The following ATOSA variants were observed in gnomAD, a reference collection of about 807,000 sequenced individuals.
ATOSA encodes the protein atos homolog protein A.
At chr15:52,658,981 T>C in the ATOSA span, among the ~76,000 whole-genome samples, 1 of 151,888 alleles carries the variant, frequency 6.6e-6, no homozygotes, top group East Asian at 1.9e-4. Flanking sequence ...CAAGAACCTG[T>C]CTCAAAAAAC....
At chr15:52,583,728 T>A in the ATOSA span, among the ~76,000 whole-genome samples, 1 of 152,210 alleles carries the variant, frequency 6.6e-6, no homozygotes, top group African/African-American at 2.4e-5. Context: ...CTGTTTTTCA[T>A]AGATTTTTCA....
At chr15:52,647,957 A>G in the ATOSA span, among the ~76,000 whole-genome samples, 11 of 152,194 alleles carry the variant, frequency 7.2e-5, no homozygotes, top group South Asian at 1.0e-3. Flanking sequence ...CCCAATCCCC[A>G]TATCTCCATG....
chr15:52,643,014 T>TC, the ATOSA span, among the ~76,000 whole-genome samples: 1 of 151,916 alleles, frequency 6.6e-6, no homozygotes, highest in African/African-American at 2.4e-5. Context: ...CCTTTTATGC[T>TC]CCCATCACAC....
the ATOSA span, among the ~76,000 whole-genome samples, chr15:52,636,769 C>CA: frequency 6.6e-6 from 1 of 152,184 alleles, no homozygotes; most frequent in Admixed American, 6.5e-5. Flanking sequence ...TCCTGAAACT[C>CA]AGGGGAAGTG....
chr15:52,611,648 C>T, the ATOSA span: 1 of 1,614,016 alleles, frequency 6.2e-7, no homozygotes. Context: ...TCATTTAGAT[C>T]AATTCCCTCT....
At chr15:52,591,164 T>C in the ATOSA span, among the ~76,000 whole-genome samples, 881 of 152,302 alleles carry the variant, frequency 5.8e-3, 5 homozygotes, top group Non-Finnish European at 8.9e-3. Context: ...GTTTACTCTT[T>C]TATCTTGTTT....
chr15:52,634,884 G>C, the ATOSA span, among the ~76,000 whole-genome samples: 1 of 152,086 alleles, frequency 6.6e-6, no homozygotes, highest in Non-Finnish European at 1.5e-5. Flanking sequence ...TTACAGGTGT[G>C]AGCCATGGTG....
chr15:52,610,311 G>A, the ATOSA span: 2 of 1,613,964 alleles, frequency 1.2e-6, no homozygotes, highest in Non-Finnish European at 1.7e-6. Context: ...GAGAAACATT[G>A]GGAACAGGAA....
chr15:52,684,830 G>GC, the ATOSA span, among the ~76,000 whole-genome samples: 1 of 151,954 alleles, frequency 6.6e-6, no homozygotes, highest in East Asian at 1.9e-4. Flanking sequence ...TCCTGCCTTG[G>GC]CCCCCCAAAG....
the ATOSA span, chr15:52,609,556 C>T: frequency 1.2e-5 from 19 of 1,613,402 alleles, no homozygotes; most frequent in East Asian, 4.5e-5. Context: ...AGTTTCACTT[C>T]GAGGAGTTTC....
the ATOSA span, among the ~76,000 whole-genome samples, chr15:52,596,692 T>C: frequency 6.6e-6 from 1 of 152,152 alleles, no homozygotes; most frequent in Non-Finnish European, 1.5e-5. Context: ...CTGCTAAACA[T>C]CCCACAATGC....
chr15:52,602,749 A>G, the ATOSA span, among the ~76,000 whole-genome samples: 1 of 152,078 alleles, frequency 6.6e-6, no homozygotes, highest in Non-Finnish European at 1.5e-5. Context: ...CCCCTCTCTC[A>G]TTTATAGAAG....
At chr15:52,665,275 C>G in the ATOSA span, among the ~76,000 whole-genome samples, 839 of 152,100 alleles carry the variant, frequency 5.5e-3, 5 homozygotes, top group Middle Eastern at 0.01. Flanking sequence ...GTTGAAATTA[C>G]GGGGGTGAGG....
the ATOSA span, among the ~76,000 whole-genome samples, chr15:52,671,946 A>G: frequency 6.6e-6 from 1 of 151,814 alleles, no homozygotes; most frequent in South Asian, 2.1e-4. Context: ...GCTCAACTCA[A>G]ATTATTGCTA....
the ATOSA span, among the ~76,000 whole-genome samples, chr15:52,621,643 T>G: frequency 1.3e-5 from 2 of 152,066 alleles, no homozygotes; most frequent in Non-Finnish European, 2.9e-5. Flanking sequence ...TCTCATGAGA[T>G]CTGATGGTTT....
the ATOSA span, among the ~76,000 whole-genome samples, chr15:52,653,775 G>C: frequency 2.6e-5 from 4 of 152,176 alleles, no homozygotes; most frequent in African/African-American, 9.7e-5. Flanking sequence ...CTGGTTTAAT[G>C]ACAGTCTCCT....
At chr15:52,682,304 G>A in the ATOSA span, among the ~76,000 whole-genome samples, 1 of 152,018 alleles carries the variant, frequency 6.6e-6, no homozygotes, top group Non-Finnish European at 1.5e-5. Context: ...TTGTGTTGCA[G>A]TCCTACTCCC....
the ATOSA span, among the ~76,000 whole-genome samples, chr15:52,596,786 T>C: frequency 1.3e-5 from 2 of 152,344 alleles, no homozygotes; most frequent in South Asian, 4.1e-4. Flanking sequence ...AATGTTTTTT[T>C]AGATTCAACA....
chr15:52,582,341 A>G, the ATOSA span: 1 of 1,509,174 alleles, frequency 6.6e-7, no homozygotes, highest in Non-Finnish European at 8.8e-7. Context: ...AACATTTCAG[A>G]GAACGAGTCT....
Sources: gnomAD v4.1 joint callset for allele counts (sites outside exome capture counted in the v4.1 genomes callset) on GRCh38, gnomAD v4.1.1 for gene constraint, MANE v1.5 for transcripts, NCBI Gene and HGNC (gene_info 2026-07-23, HGNC 2026-07-21) for gene names.